HDAC9: variants seen among roughly 807,000 people sequenced by gnomAD.
HDAC9 encodes MEF-2 interacting transcription repressor (MITR) protein.
In HDAC9, 41 loss-of-function variants were observed where a neutral mutation model predicts 139.4. The ratio of observed to expected loss-of-function variants is 0.29; its 90% CI spans 0.23 to 0.38. The LOEUF is 0.38. HDAC9 is among the 10% of genes least tolerant of loss of function. HDAC9 has a pLI of 1.00. For synonymous variants in HDAC9, 517 were observed against 476.2 expected (o/e 1.09, Z -1.12); for missense variants, 1,147 against 1,297.0 (o/e 0.88, Z 1.78).
chr7:18,917,460 AGT>A (rs1258088058), intron 22 of HDAC9, among the ~76,000 whole-genome samples: 1 of 146,614 alleles, frequency 6.8e-6, no homozygotes, highest in Non-Finnish European at 1.5e-5. Context: ...GAAAAAAGAC[AGT>A]ATCTGATTGA....
chr7:18,510,245 T>A (rs577399436), intron 2 of HDAC9, among the ~76,000 whole-genome samples: 89 of 152,302 alleles, frequency 5.8e-4, no homozygotes, highest in African/African-American at 2.0e-3. Flanking sequence ...TTGGGAATAT[T>A]CTTATTTGAT....
intron 2 of HDAC9, among the ~76,000 whole-genome samples, chr7:18,262,372 G>T (rs940770715): frequency 1.3e-5 from 2 of 152,128 alleles, no homozygotes; most frequent in Non-Finnish European, 2.9e-5. Flanking sequence ...TCAAGCAAAA[G>T]TTCTATCTGT....
Position 18,797,899 on chromosome 7 carries a change from C to T in HDAC9, c.2322+4447C>T, listed in dbSNP as rs544451276. ...TGCTTTTTGCTTTATAAAAATGGAA[C>T]CTTATCGAATATATTCTTCTTCAGC... On this transcript the variant is annotated intron_variant, in intron 17 of 25. Transcript: ENST00000686413. Among the ~76,000 whole-genome samples, 100 of 151,784 alleles carry T rather than the reference C, an allele frequency of 6.6e-4. No individual in the cohort carries two copies. The South Asian group carries it at 0.02, about 31-fold the overall frequency.
Position 18,460,238 on chromosome 7 carries a change from G to C in HDAC9, c.-41-36024G>C, listed in dbSNP as rs992425470. On this transcript the variant is annotated intron_variant, in intron 1 of 3. Coordinates refer to the HDAC9 transcript ENST00000413509. ...TTCATGAGTAGAAGGTATAATTCCA[G>C]CCCATCACCATACTGATGATAATTT... Among the ~76,000 whole-genome samples, 4 of 151,964 alleles carry C rather than the reference G, an allele frequency of 2.6e-5. No homozygotes were observed. The East Asian group carries it at 5.8e-4, about 22-fold the overall frequency.
intron 25 of HDAC9, among the ~76,000 whole-genome samples, chr7:18,985,054 T>G (rs1185611658): frequency 6.6e-6 from 1 of 152,138 alleles, no homozygotes; most frequent in Non-Finnish European, 1.5e-5. Flanking sequence ...ATCTTTATTT[T>G]TTTTTAATTC....
intron 16 of HDAC9, among the ~76,000 whole-genome samples, chr7:18,779,830 A>C (rs1791091836): frequency 1.3e-5 from 2 of 151,968 alleles, no homozygotes. Context: ...AAGCCCTGCA[A>C]CCCTGAGGTC....
intron 21 of HDAC9, among the ~76,000 whole-genome samples, chr7:18,854,942 G>A (rs145345179): frequency 9.2e-5 from 14 of 152,128 alleles, no homozygotes; most frequent in Non-Finnish European, 1.5e-4. Flanking sequence ...AATTGGTCAG[G>A]GCTTGGGTTG....
At chr7:18,433,846 C>G (rs1240485200) in intron 1 of HDAC9, among the ~76,000 whole-genome samples, 1 of 152,110 alleles carries the variant, frequency 6.6e-6, no homozygotes, top group East Asian at 1.9e-4. Flanking sequence ...CCATATGGCA[C>G]AAAGCAATTT....
intron 2 of HDAC9, among the ~76,000 whole-genome samples, chr7:18,532,575 G>A (rs532420432): frequency 1.1e-4 from 17 of 152,016 alleles, no homozygotes; most frequent in Non-Finnish European, 2.4e-4. Context: ...ATTGACTATC[G>A]TGAGAGCTGT....
chr7:18,451,401 GTA>G (rs1554422578), intron 1 of HDAC9, among the ~76,000 whole-genome samples: 23 of 135,276 alleles, frequency 1.7e-4, no homozygotes, highest in African/African-American at 4.7e-4. Context: ...GTGTGTGTGT[GTA>G]TATATGTGTG....
intron 2 of HDAC9, among the ~76,000 whole-genome samples, chr7:18,175,446 C>T (rs972889859): frequency 6.6e-6 from 1 of 152,196 alleles, no homozygotes; most frequent in African/African-American, 2.4e-5. Flanking sequence ...TGCTTCAGCT[C>T]ACCCTCCATG....
At chr7:18,300,810 T>C (rs1464165238) in intron 1 of HDAC9, among the ~76,000 whole-genome samples, 1 of 152,160 alleles carries the variant, frequency 6.6e-6, no homozygotes, top group Non-Finnish European at 1.5e-5. Context: ...ACAAAGATGA[T>C]TTTGTATATG....
At chr7:18,783,973 A>G (rs1444585643) in intron 16 of HDAC9, among the ~76,000 whole-genome samples, 2 of 152,034 alleles carry the variant, frequency 1.3e-5, no homozygotes, top group Non-Finnish European at 2.9e-5. Flanking sequence ...CCAGTCAACC[A>G]TAGTTCCAAC....
chr7:18,137,305 C>T (rs1442197020), intron 1 of HDAC9, among the ~76,000 whole-genome samples: 3 of 146,102 alleles, frequency 2.1e-5, no homozygotes, highest in Non-Finnish European at 4.5e-5. Flanking sequence ...TTTCCTTCTC[C>T]TGCCTAATTG....
intron 12 of HDAC9, among the ~76,000 whole-genome samples, chr7:18,671,583 T>G (rs982568168): frequency 2.6e-5 from 4 of 152,032 alleles, no homozygotes; most frequent in African/African-American, 9.7e-5. Context: ...TATAGGCAAT[T>G]CTCACTATAT....
At chr7:18,894,346 G>C (rs577962087) in intron 22 of HDAC9, among the ~76,000 whole-genome samples, 2 of 152,118 alleles carry the variant, frequency 1.3e-5, no homozygotes, top group Non-Finnish European at 2.9e-5. Context: ...GGAGCCATGA[G>C]GGGGAGCCAT....
At chr7:18,735,604 T>C (rs1391033104) in intron 13 of HDAC9, among the ~76,000 whole-genome samples, 1 of 152,222 alleles carries the variant, frequency 6.6e-6, no homozygotes, top group African/African-American at 2.4e-5. Flanking sequence ...ATAACTGTTT[T>C]GGTACCAGTA....
At chr7:18,972,553 G>A (rs191661398) in intron 24 of HDAC9, among the ~76,000 whole-genome samples, 122 of 151,776 alleles carry the variant, frequency 8.0e-4, no homozygotes, top group Non-Finnish European at 2.7e-4. Flanking sequence ...GATATTTTTT[G>A]TATTTTCAGT....
upstream of HDAC9, among the ~76,000 whole-genome samples, chr7:18,491,289 G>A (rs538955811): frequency 6.6e-6 from 1 of 151,854 alleles, no homozygotes; most frequent in Admixed American, 6.6e-5. Context: ...CACTGTACAC[G>A]ATAAAATAAA....
Sources: gnomAD v4.1 joint callset for allele counts (sites outside exome capture counted in the v4.1 genomes callset) on GRCh38, gnomAD v4.1.1 for gene constraint, MANE v1.5 for transcripts, NCBI Gene and HGNC (gene_info 2026-07-23, HGNC 2026-07-21) for gene names.